Variants in SNTG1 observed in about 807,000 individuals in gnomAD.
SNTG1 encodes gamma-1-syntrophin.
SNTG1 carries 39 observed loss-of-function variants against 74.7 expected under a neutral mutation model. That is an observed-to-expected ratio of 0.52 (90% CI 0.40 to 0.68). The LOEUF (loss-of-function observed/expected upper bound fraction) is 0.68, where lower values mean the gene tolerates loss of function less well. Among genes scored for constraint, SNTG1 ranks in the 30% least tolerant of loss-of-function variants. The pLI is 0.00. For synonymous variants in SNTG1, 254 were observed against 217.1 expected (o/e 1.17, Z -1.49); for missense variants, 685 against 609.5 (o/e 1.12, Z -1.30).
chr8:50,395,507 T>TTTTG (rs1563329498), intron 3 of SNTG1, among the ~76,000 whole-genome samples: 8 of 1,514 alleles, frequency 5.3e-3, no homozygotes, highest in African/African-American at 8.4e-3. Context: ...CTAATTTCTG[T>TTTTG]TTTTTTTTTT....
At chr8:50,164,340 G>A (rs543873198) in intron 1 of SNTG1, 49 of 152,136 alleles carry the variant, frequency 3.2e-4, no homozygotes, top group African/African-American at 1.2e-3. Context: ...ATTCTGAAAG[G>A]GGACTGCTTT....
intron 18 of SNTG1, among the ~76,000 whole-genome samples, chr8:50,783,314 G>A (rs1371214795): frequency 1.3e-5 from 2 of 152,228 alleles, no homozygotes; most frequent in Admixed American, 6.5e-5. Context: ...AGCCTATAGA[G>A]GCAGGCAGGC....
chr8:50,673,983 G>T (rs2095297924), intron 15 of SNTG1, among the ~76,000 whole-genome samples: 1 of 152,090 alleles, frequency 6.6e-6, no homozygotes, highest in Non-Finnish European at 1.5e-5. Context: ...CACATTTATT[G>T]ATTTAGGTAT....
intron 18 of SNTG1, among the ~76,000 whole-genome samples, chr8:50,766,582 G>T (rs2095614472): frequency 6.6e-6 from 1 of 151,864 alleles, no homozygotes; most frequent in Non-Finnish European, 1.5e-5. Context: ...TATTTCTACA[G>T]AAAACAAAAC....
intron 15 of SNTG1, among the ~76,000 whole-genome samples, chr8:50,680,240 T>C (rs536899097): frequency 6.6e-6 from 1 of 152,308 alleles, no homozygotes; most frequent in East Asian, 1.9e-4. Flanking sequence ...CAGGCAATTT[T>C]ATTGTAAAAA....
At chr8:50,104,596 G>A (rs562723813) in intron 1 of SNTG1, among the ~76,000 whole-genome samples, 31 of 151,670 alleles carry the variant, frequency 2.0e-4, no homozygotes, top group South Asian at 2.1e-4. Context: ...ATTTTTCGCC[G>A]TCTGCTAGCT....
At chr8:50,381,558 ATGTGTGTGTGTG>A (rs372674229) in intron 2 of SNTG1, among the ~76,000 whole-genome samples, 1 of 108,594 alleles carries the variant, frequency 9.2e-6, no homozygotes, top group African/African-American at 3.3e-5. Context: ...CTAATAGGAT[ATGTGTGTGTGTG>A]TGTGTGTGTG....
chr8:50,561,165 A>C (rs1435759257), intron 12 of SNTG1, among the ~76,000 whole-genome samples: 1 of 151,946 alleles, frequency 6.6e-6, no homozygotes, highest in Non-Finnish European at 1.5e-5. Context: ...GTTCTCATGA[A>C]AGCTGATGGT....
chr8:50,269,689 C>T (rs191432726), intron 2 of SNTG1, among the ~76,000 whole-genome samples: 239 of 152,054 alleles, frequency 1.6e-3, no homozygotes, highest in African/African-American at 4.0e-3. Flanking sequence ...GTACTGACCA[C>T]GTACAACAGC....
chr8:50,562,790 G>A (rs2094495720), intron 12 of SNTG1, among the ~76,000 whole-genome samples: 1 of 152,102 alleles, frequency 6.6e-6, no homozygotes, highest in Non-Finnish European at 1.5e-5. Flanking sequence ...AAATGTACTT[G>A]CATATGTTAG....
chr8:50,164,498 A>G (rs1485893175), intron 1 of SNTG1: 1 of 152,208 alleles, frequency 6.6e-6, no homozygotes, highest in Non-Finnish European at 1.5e-5. Flanking sequence ...AAGATATTTA[A>G]AATTAGATAG....
chr8:50,128,408 G>A (rs1054019995), intron 1 of SNTG1, among the ~76,000 whole-genome samples: 66 of 152,258 alleles, frequency 4.3e-4, no homozygotes, highest in African/African-American at 1.5e-3. Flanking sequence ...AAATTTAAAA[G>A]CAATATTACT....
chr8:50,513,713 C>A (rs2955604), intron 9 of SNTG1, among the ~76,000 whole-genome samples: 20,692 of 152,236 alleles, frequency 0.14, 1,497 homozygotes, highest in African/African-American at 0.17. Context: ...ACCCTCCAAG[C>A]CATGCGCAGG....
Position 50,763,895 on chromosome 8 carries a change from AC to A in SNTG1, c.1395+11785del, listed in dbSNP as rs1563817605. Reference sequence around the variant, plus strand: ...CACACACACACACACACACACACACACACACACACACAAAAATAACCAAGGC... The same window carrying A: ...CACACACACACACACACACACACACAACACACACACAAAAATAACCAAGGC... On this transcript the variant is annotated intron_variant, in intron 18 of 18. Coordinates refer to ENST00000642720, the MANE Select transcript of SNTG1 (RefSeq NM_018967.5). Among the ~76,000 whole-genome samples the A allele has an allele frequency of 3.5e-4, 43 of 123,778 alleles. 1 individual carries two copies. The highest frequency in any genetic ancestry group is 3.5e-3 in the Middle Eastern group (1 of 282). The allele number at this position is 123,778 out of a possible 152,430, so 81.2% of individuals were successfully genotyped here. A position where few individuals can be genotyped will look rare whatever the true frequency, so the allele number is the denominator to read the frequency against.
intron 8 of SNTG1, among the ~76,000 whole-genome samples, chr8:50,476,212 T>C (rs2093696087): frequency 6.6e-6 from 1 of 152,164 alleles, no homozygotes; most frequent in South Asian, 2.1e-4. Context: ...ATTGTTCCAT[T>C]TTTGTTATTA....
At chr8:50,628,512 A>G (rs999234961) in intron 13 of SNTG1, among the ~76,000 whole-genome samples, 2 of 151,984 alleles carry the variant, frequency 1.3e-5, no homozygotes, top group African/African-American at 4.8e-5. Context: ...TGTTCTAGTC[A>G]ATCTTTTTAC....
intron 17 of SNTG1, among the ~76,000 whole-genome samples, chr8:50,745,967 T>C (rs530153375): frequency 1.8e-4 from 27 of 152,078 alleles, no homozygotes; most frequent in South Asian, 6.2e-4. Flanking sequence ...TTACACAACA[T>C]TGTGAATGTA....
chr8:50,344,458 C>G (rs946046728), intron 2 of SNTG1, among the ~76,000 whole-genome samples: 1 of 152,120 alleles, frequency 6.6e-6, no homozygotes, highest in African/African-American at 2.4e-5. Context: ...ATTCCACACA[C>G]TCCATCCAGT....
chr8:50,248,767 T>C (rs534511633), intron 2 of SNTG1, among the ~76,000 whole-genome samples: 5 of 152,282 alleles, frequency 3.3e-5, no homozygotes, highest in African/African-American at 1.2e-4. Flanking sequence ...GAAATAAAGA[T>C]GGTGGTGCTG....
Sources: allele counts gnomAD v4.1 joint callset (sites outside exome capture counted in the v4.1 genomes callset), GRCh38; gene constraint gnomAD v4.1.1; transcripts MANE v1.5; gene names NCBI Gene and HGNC (gene_info 2026-07-23, HGNC 2026-07-21).